Variants in TMEM132D observed in about 807,000 individuals in gnomAD.
TMEM132D encodes the protein transmembrane protein 132D.
A neutral mutation model predicts 62.3 loss-of-function variants in TMEM132D; 21 were observed. That is an observed-to-expected ratio of 0.34 (90% confidence interval 0.24 to 0.49). The LOEUF is 0.49. TMEM132D is among the 20% of genes least tolerant of loss of function. The probability of loss-of-function intolerance (pLI) is 0.99; values close to 1 mark genes in which losing one functional copy is unlikely to be tolerated. For missense variants in TMEM132D, 1,346 were observed against 1,402.8 expected (o/e 0.96, Z 0.65); for synonymous variants, 621 against 575.6 (o/e 1.08, Z -1.13).
At chr12:129,775,469 G>T (rs1002164406) in intron 1 of TMEM132D, among the ~76,000 whole-genome samples, 3 of 152,112 alleles carry the variant, frequency 2.0e-5, no homozygotes, top group African/African-American at 7.2e-5. Flanking sequence ...AGTACAAATC[G>T]CCCCTGTTCA....
intron 5 of TMEM132D, among the ~76,000 whole-genome samples, chr12:129,192,144 C>T (rs1019408759): frequency 2.0e-5 from 3 of 152,120 alleles, no homozygotes; most frequent in African/African-American, 4.8e-5. Context: ...CGAATGGTTC[C>T]TACTACCTTG....
chr12:129,397,919 G>C (rs1871478999), intron 3 of TMEM132D, among the ~76,000 whole-genome samples: 1 of 152,132 alleles, frequency 6.6e-6, no homozygotes, highest in Non-Finnish European at 1.5e-5. Context: ...TTTGCAACTA[G>C]GGACTTTTCT....
At chr12:129,496,085 T>G (rs1359832372) in intron 3 of TMEM132D, among the ~76,000 whole-genome samples, 1 of 152,170 alleles carries the variant, frequency 6.6e-6, no homozygotes, top group Non-Finnish European at 1.5e-5. Context: ...TATTGATTGG[T>G]TTCATTCACT....
chr12:129,814,328 C>T (rs542382149), intron 1 of TMEM132D, among the ~76,000 whole-genome samples: 11 of 152,158 alleles, frequency 7.2e-5, no homozygotes, highest in African/African-American at 1.4e-4. Context: ...TAAAAACTAA[C>T]GCCAGGTGCG....
intron 5 of TMEM132D, among the ~76,000 whole-genome samples, chr12:129,118,366 G>C (rs1875957743): frequency 6.6e-6 from 1 of 152,220 alleles, no homozygotes; most frequent in Non-Finnish European, 1.5e-5. Flanking sequence ...GGCAGCCTCT[G>C]CCCAGCTCTG....
chr12:129,515,547 G>T (rs759828489), intron 3 of TMEM132D, among the ~76,000 whole-genome samples: 1 of 152,128 alleles, frequency 6.6e-6, no homozygotes, highest in Non-Finnish European at 1.5e-5. Flanking sequence ...GAATACTGCA[G>T]AAGCAGAAGC....
chr12:129,754,342 G>A (rs1870096313), intron 1 of TMEM132D, among the ~76,000 whole-genome samples: 1 of 152,198 alleles, frequency 6.6e-6, no homozygotes, highest in East Asian at 1.9e-4. Flanking sequence ...AGCATAGCAA[G>A]ACAATCAGAG....
chr12:129,437,676 G>A (rs182440053), intron 3 of TMEM132D, among the ~76,000 whole-genome samples: 16 of 152,132 alleles, frequency 1.1e-4, no homozygotes, highest in Admixed American at 6.5e-4. Context: ...CTATACCATA[G>A]GATACAGACA....
chr12:129,246,112 T>G (rs1324462982), intron 4 of TMEM132D, among the ~76,000 whole-genome samples: 6 of 151,968 alleles, frequency 3.9e-5, no homozygotes, highest in African/African-American at 1.5e-4. Flanking sequence ...TATCACAAAG[T>G]AAGTCTGCAC....
intron 4 of TMEM132D, among the ~76,000 whole-genome samples, chr12:129,299,420 CT>C (rs34775349): frequency 0.045 from 5,775 of 127,612 alleles, 266 homozygotes; most frequent in African/African-American, 0.15. Context: ...CATAGTTGAA[CT>C]TTTTTTTTTT....
intron 1 of TMEM132D, among the ~76,000 whole-genome samples, chr12:129,896,808 T>C (rs1200017255): frequency 1.3e-5 from 2 of 152,302 alleles, no homozygotes; most frequent in South Asian, 2.1e-4. Flanking sequence ...TTTACTTACT[T>C]TATATACTTT....
chr12:129,311,551 C>T (rs1264386563), intron 4 of TMEM132D, among the ~76,000 whole-genome samples: 2 of 151,992 alleles, frequency 1.3e-5, no homozygotes, highest in Non-Finnish European at 2.9e-5. Context: ...AAATTAGAAT[C>T]GAGTGCAGAA....
intron 1 of TMEM132D, among the ~76,000 whole-genome samples, chr12:129,718,459 TA>T (rs759492970): frequency 2.6e-5 from 4 of 152,202 alleles, no homozygotes; most frequent in Non-Finnish European, 4.4e-5. Context: ...TTAAAGTCAA[TA>T]AAACCTTTAC....
intron 6 of TMEM132D, among the ~76,000 whole-genome samples, chr12:129,083,022 G>T (rs890559496): frequency 6.6e-6 from 1 of 152,200 alleles, no homozygotes; most frequent in African/African-American, 2.4e-5. Flanking sequence ...ACCATGCCTG[G>T]CCAGCATGTT....
chr12:129,553,067 C>T (rs1412058823), intron 2 of TMEM132D, among the ~76,000 whole-genome samples: 4 of 152,300 alleles, frequency 2.6e-5, no homozygotes, highest in Middle Eastern at 3.4e-3. Context: ...CAGCATCCAC[C>T]GGAGCAGCTT....
At chr12:129,896,953 G>A (rs1875159585) in intron 1 of TMEM132D, among the ~76,000 whole-genome samples, 1 of 152,108 alleles carries the variant, frequency 6.6e-6, no homozygotes, top group Admixed American at 6.5e-5. Flanking sequence ...CCACAGGTTT[G>A]TTTACTTTCA....
intron 3 of TMEM132D, among the ~76,000 whole-genome samples, chr12:129,344,911 G>A (rs1869632545): frequency 6.6e-6 from 1 of 152,082 alleles, no homozygotes; most frequent in East Asian, 1.9e-4. Context: ...TAACAGCTAT[G>A]AGCAGTAAGA....
At chr12:129,287,915 T>C (rs998268203) in intron 4 of TMEM132D, among the ~76,000 whole-genome samples, 1 of 152,330 alleles carries the variant, frequency 6.6e-6, no homozygotes, top group African/African-American at 2.4e-5. Context: ...GTATCTGTCT[T>C]CATGCCAGAG....
intron 2 of TMEM132D, among the ~76,000 whole-genome samples, chr12:129,574,844 T>C (rs1346074575): frequency 1.3e-5 from 2 of 151,570 alleles, no homozygotes; most frequent in East Asian, 3.9e-4. Context: ...ATAAAGTCAA[T>C]GAGAAAGACC....
Sources: allele counts gnomAD v4.1 joint callset (sites outside exome capture counted in the v4.1 genomes callset), GRCh38; gene constraint gnomAD v4.1.1; transcripts MANE v1.5; gene names NCBI Gene and HGNC (gene_info 2026-07-23, HGNC 2026-07-21).